CADM2: variants seen among roughly 807,000 people sequenced by gnomAD.
CADM2 encodes the protein cell adhesion molecule 2.
Under a neutral mutation model 49.8 loss-of-function variants are expected in CADM2, and 12 were observed. The observed-to-expected ratio is 0.24, with a 90% CI of 0.15 to 0.39. CADM2 has a LOEUF of 0.39. Ranked by LOEUF, CADM2 falls within the 10% of genes least tolerant of loss-of-function variation. The pLI, the probability that CADM2 is intolerant of heterozygous loss-of-function variation, is 1.00. For synonymous variants in CADM2, 214 were observed against 175.4 expected (o/e 1.22, Z -1.74); for missense variants, 378 against 492.3 (o/e 0.77, Z 2.20).
chr3:85,552,038 T>A (rs2061815305), intron 1 of CADM2, among the ~76,000 whole-genome samples: 1 of 152,106 alleles, frequency 6.6e-6, no homozygotes, highest in Non-Finnish European at 1.5e-5. Context: ...TAAAAGACCA[T>A]ACAATATAAT....
chr3:85,351,438 T>G (rs1026671425), intron 1 of CADM2, among the ~76,000 whole-genome samples: 2 of 152,178 alleles, frequency 1.3e-5, no homozygotes, highest in Non-Finnish European at 2.9e-5. Flanking sequence ...GGGAGTAAGT[T>G]AACAAAAGAA....
intron 1 of CADM2, among the ~76,000 whole-genome samples, chr3:85,021,771 G>A (rs113956514): frequency 2.2e-4 from 33 of 152,038 alleles, no homozygotes; most frequent in African/African-American, 6.0e-4. Context: ...GCGAAACTCC[G>A]TCTCAAAAAT....
rs570139220 is a variant in CADM2, at chr3:85,745,915, A to AT, written c.88+19373dup. On this transcript the variant is annotated intron_variant, in intron 2 of 9. Transcript: ENST00000383699. ...TTCTTGTTTTCTCCATGGTCCATTTATTTTTTGTGTCAGAATGAAAGCCTA... is the reference window on the plus strand; with the variant it reads ...TTCTTGTTTTCTCCATGGTCCATTTATTTTTTTGTGTCAGAATGAAAGCCTA... 1.3e-3 allele frequency among the ~76,000 whole-genome samples: 191 copies of AT among 151,438 alleles called. 1 individual carries two copies. The highest frequency in any genetic ancestry group is 0.01 in the Middle Eastern group (3 of 294).
intron 6 of CADM2, among the ~76,000 whole-genome samples, chr3:85,927,481 A>G (rs1243830316): frequency 1.3e-5 from 2 of 152,200 alleles, no homozygotes; most frequent in Non-Finnish European, 1.5e-5. Context: ...CAATGGATAG[A>G]AATGGGTACT....
Position 86,067,130 on chromosome 3 carries a change from A to AT in CADM2, c.*353dup. The AT allele has an allele frequency of 5.3e-6, 1 of 187,728 alleles. No individual in the cohort carries two copies. The highest frequency in any genetic ancestry group is 1.2e-4 in the South Asian group (1 of 8,618). 11.6% of individuals were successfully genotyped at this position (187,728 alleles called of 1,614,324 possible). Reference sequence around the variant, plus strand: ...AATGTATGCAGAGTTTTTTTCCCCCATTTTTTCCCCTTTAAGTCATAGACC... The same window carrying AT: ...AATGTATGCAGAGTTTTTTTCCCCCATTTTTTTCCCCTTTAAGTCATAGACC... On this transcript the variant is annotated 3_prime_UTR_variant, in exon 10 of 10. Coordinates refer to ENST00000383699, the MANE Select transcript of CADM2 (RefSeq NM_001167675.2).
intron 1 of CADM2, among the ~76,000 whole-genome samples, chr3:85,468,167 A>C (rs892839373): frequency 1.3e-5 from 2 of 151,418 alleles, no homozygotes; most frequent in East Asian, 1.9e-4. Flanking sequence ...AAAAAAAAAA[A>C]AAAAAAAAAA....
intron 1 of CADM2, among the ~76,000 whole-genome samples, chr3:85,548,903 G>A (rs776218050): frequency 2.0e-5 from 3 of 152,196 alleles, no homozygotes; most frequent in Non-Finnish European, 4.4e-5. Context: ...GTCATACATT[G>A]TAATAGCCTT....
At chr3:85,200,343 C>T (rs953941907) in intron 1 of CADM2, among the ~76,000 whole-genome samples, 6 of 151,992 alleles carry the variant, frequency 3.9e-5, no homozygotes, top group African/African-American at 1.2e-4. Flanking sequence ...TCCACTCATT[C>T]GGTGAGATCT....
chr3:85,954,875 G>T (rs1413686026), intron 7 of CADM2, among the ~76,000 whole-genome samples: 2 of 151,268 alleles, frequency 1.3e-5, no homozygotes, highest in Non-Finnish European at 3.0e-5. Context: ...AAAGGATCAA[G>T]ATGTTTTTGT....
chr3:85,823,169 G>A (rs2073697797), intron 3 of CADM2, among the ~76,000 whole-genome samples: 1 of 152,096 alleles, frequency 6.6e-6, no homozygotes, highest in South Asian at 2.1e-4. Context: ...TAAACTTGGT[G>A]CCTCAACATG....
chr3:85,617,076 C>A (rs1182759894), intron 1 of CADM2, among the ~76,000 whole-genome samples: 1 of 152,118 alleles, frequency 6.6e-6, no homozygotes, highest in Non-Finnish European at 1.5e-5. Flanking sequence ...AACAAACAAG[C>A]AATCAGTTCT....
At chr3:85,261,290 C>G (rs890763153) in intron 1 of CADM2, among the ~76,000 whole-genome samples, 1 of 152,066 alleles carries the variant, frequency 6.6e-6, no homozygotes, top group Non-Finnish European at 1.5e-5. Flanking sequence ...CATCTGCCAC[C>G]AGGCCCAGCT....
chr3:85,199,407 GA>G (rs2041433986), intron 1 of CADM2, among the ~76,000 whole-genome samples: 1 of 146,868 alleles, frequency 6.8e-6, no homozygotes, highest in Admixed American at 6.7e-5. Flanking sequence ...AATAGGCAGA[GA>G]AAAAGGAATA....
At position 85,959,391 on chromosome 3, in the gene CADM2, T is replaced by C. The variant is rs184019655; in HGVS notation, c.792-2078T>C. Among the ~76,000 whole-genome samples, 604 of 151,956 alleles carry C rather than the reference T, an allele frequency of 4.0e-3. 9 individuals carry two copies. The highest frequency in any genetic ancestry group is 0.012 in the African/African-American group (501 of 41,504). On this transcript the variant is annotated intron_variant, in intron 7 of 9. Transcript: ENST00000383699. ...TGGTTATATCAGTGACCATTGATGA[T>C]CATCTAACCTTCAGTCACCTCAGCT...
chr3:85,306,174 C>T (rs1426200936), intron 1 of CADM2, among the ~76,000 whole-genome samples: 2 of 151,628 alleles, frequency 1.3e-5, no homozygotes, highest in African/African-American at 4.8e-5. Flanking sequence ...CAGATTTCCA[C>T]AGCAATTCAC....
intron 1 of CADM2, among the ~76,000 whole-genome samples, chr3:85,662,825 G>A (rs1173841563): frequency 6.6e-6 from 1 of 151,856 alleles, no homozygotes; most frequent in Non-Finnish European, 1.5e-5. Flanking sequence ...TTTATTACTT[G>A]TTTCTCTACT....
At chr3:86,038,025 C>G (rs114482998) in intron 8 of CADM2, among the ~76,000 whole-genome samples, 1 of 152,022 alleles carries the variant, frequency 6.6e-6, no homozygotes, top group Non-Finnish European at 1.5e-5. Context: ...TGTGATGTTC[C>G]TCTCCCTGTG....
chr3:85,791,009 T>C (rs72908517), intron 2 of CADM2, among the ~76,000 whole-genome samples: 6,106 of 152,176 alleles, frequency 0.04, 387 homozygotes, highest in African/African-American at 0.14. Flanking sequence ...AATAAAATAT[T>C]ATGTGGTTGC....
rs113956949 is a variant in CADM2, at chr3:85,170,679, G to C, written c.61+211011G>C. Among the ~76,000 whole-genome samples, 1,048 of 152,216 alleles carry C rather than the reference G, an allele frequency of 6.9e-3. 10 individuals carry two copies. Among genetic ancestry groups the C allele is most frequent in the African/African-American group, 0.023 (958 of 41,538 alleles). On this transcript the variant is annotated intron_variant, in intron 1 of 9. Transcript: ENST00000383699. ...AAATTCTTCATGGCTTTTCTCTGCAGTGCTGAACTTTGAAGCTTTTTATAT... is the reference window on the plus strand; with the variant it reads ...AAATTCTTCATGGCTTTTCTCTGCACTGCTGAACTTTGAAGCTTTTTATAT...
Sources: gnomAD v4.1 joint callset for allele counts (sites outside exome capture counted in the v4.1 genomes callset) on GRCh38, gnomAD v4.1.1 for gene constraint, MANE v1.5 for transcripts, NCBI Gene and HGNC (gene_info 2026-07-23, HGNC 2026-07-21) for gene names.